The following VAC14 variants were observed in gnomAD, a reference collection of about 807,000 sequenced individuals.
VAC14 encodes protein VAC14 homolog.
In VAC14, 47 loss-of-function variants were observed where a neutral mutation model predicts 85.3. The ratio of observed to expected loss-of-function variants is 0.55; its 90% CI spans 0.44 to 0.70. The LOEUF (loss-of-function observed/expected upper bound fraction) is 0.70. Ranked by LOEUF, VAC14 falls within the 30% of genes least tolerant of loss-of-function variation. The probability of loss-of-function intolerance (pLI) is 0.00; values close to 1 mark genes in which losing one functional copy is unlikely to be tolerated. For synonymous variants in VAC14, 447 were observed against 430.5 expected (o/e 1.04, Z -0.47); for missense variants, 861 against 1,004.3 (o/e 0.86, Z 1.93).
intron 12 of VAC14, among the ~76,000 whole-genome samples, chr16:70,757,441 C>G (rs2031964148): frequency 6.6e-6 from 1 of 152,194 alleles, no homozygotes; most frequent in Non-Finnish European, 1.5e-5. Context: ...TGCTCCTGCT[C>G]TGGGCAGCCT....
At chr16:70,773,509 G>A (rs2143180145) in intron 9 of VAC14, among the ~76,000 whole-genome samples, 1 of 152,210 alleles carries the variant, frequency 6.6e-6, no homozygotes, top group South Asian at 2.1e-4. Flanking sequence ...ATCCTGTTCC[G>A]CCTTCAGTCC....
Position 70,692,892 on chromosome 16 carries a change from C to A in VAC14, c.2115G>T (p.Pro705=), listed in dbSNP as rs2278983. 0.43 allele frequency: 693,158 copies of A among 1,607,728 alleles called. 158,565 individuals carry two copies. The highest frequency in any genetic ancestry group is 0.47 in the Non-Finnish European group (558,892 of 1,178,146). Residue 705 remains proline, a synonymous_variant, in exon 18 of 19, where the codon CCG becomes CCT. Coordinates refer to ENST00000261776, the MANE Select transcript of VAC14 (RefSeq NM_018052.5). ...AGAGCAGCTGGAAGGCGCTGCTCTG[C>A]GGCAGGAGCATGAGCAGGCCGTAGA... The part of the protein sequence containing the change: ...KALYGLLMLL[P]QSSAFQLLSH...
chr16:70,770,559 A>C (rs906955478), intron 10 of VAC14: 1 of 152,218 alleles, frequency 6.6e-6, no homozygotes, highest in Non-Finnish European at 1.5e-5. Context: ...ATTAGCTGTT[A>C]TTCCCAGCCA....
At chr16:70,797,903 G>C (rs1354679016) in intron 1 of VAC14, among the ~76,000 whole-genome samples, 1 of 152,128 alleles carries the variant, frequency 6.6e-6, no homozygotes, top group Non-Finnish European at 1.5e-5. Context: ...GAAGCATCCT[G>C]AGGCCCCGCC....
At chr16:70,752,787 C>A (rs1209913405) in intron 12 of VAC14, among the ~76,000 whole-genome samples, 2 of 152,192 alleles carry the variant, frequency 1.3e-5, no homozygotes, top group Non-Finnish European at 2.9e-5. Flanking sequence ...ATGTGGGGCA[C>A]GTCCAAGGAG....
chr16:70,693,144 C>T (rs1456073592), intron 17 of VAC14, among the ~76,000 whole-genome samples, 173 bp from the exon 18 acceptor site: 1 of 152,224 alleles, frequency 6.6e-6, no homozygotes, highest in Non-Finnish European at 1.5e-5. Flanking sequence ...TCCAGCGAGT[C>T]AGGGGCTCCT....
At chr16:70,799,891 T>C (rs1363323552) in intron 1 of VAC14, among the ~76,000 whole-genome samples, 1 of 152,242 alleles carries the variant, frequency 6.6e-6, no homozygotes, top group Non-Finnish European at 1.5e-5. Flanking sequence ...ATACGGGTAG[T>C]GTGACTGAGA....
intron 14 of VAC14, among the ~76,000 whole-genome samples, chr16:70,719,239 G>C (rs537802671): frequency 1.3e-5 from 2 of 152,292 alleles, no homozygotes; most frequent in Admixed American, 1.3e-4. Context: ...ATCATGCTCA[G>C]CATCCGCTTA....
chr16:70,797,921 G>A (rs1053998732), intron 1 of VAC14, among the ~76,000 whole-genome samples: 3 of 152,188 alleles, frequency 2.0e-5, no homozygotes, highest in Non-Finnish European at 4.4e-5. Flanking sequence ...GCCAGAAGCA[G>A]AAGCCGCTAT....
intron 14 of VAC14, among the ~76,000 whole-genome samples, chr16:70,730,869 TCTC>T (rs2054571067): frequency 6.6e-6 from 1 of 152,104 alleles, no homozygotes; most frequent in East Asian, 1.9e-4. Flanking sequence ...ACTCTAGAAA[TCTC>T]CTCCACCTGG....
chr16:70,691,463 C>G, intron 18 of VAC14: 13 of 985,412 alleles, frequency 1.3e-5, no homozygotes, highest in Non-Finnish European at 1.6e-5. Flanking sequence ...GGCTTCTAGG[C>G]CTCTCTCGGA....
chr16:70,788,720 T>C (rs2143299483), intron 1 of VAC14, among the ~76,000 whole-genome samples: 2 of 152,358 alleles, frequency 1.3e-5, no homozygotes, highest in Non-Finnish European at 2.9e-5. Context: ...GGTAGAATTC[T>C]CGCCTGCCAT....
chr16:70,708,207 T>C (rs766945392), intron 14 of VAC14, among the ~76,000 whole-genome samples: 1 of 152,214 alleles, frequency 6.6e-6, no homozygotes, highest in Non-Finnish European at 1.5e-5. Flanking sequence ...CTGCCTCACC[T>C]GCTGCTAGTT....
At chr16:70,752,753 C>T (rs1276231540) in intron 12 of VAC14, among the ~76,000 whole-genome samples, 1 of 152,222 alleles carries the variant, frequency 6.6e-6, no homozygotes, top group Non-Finnish European at 1.5e-5. Flanking sequence ...GTGGGAGGGC[C>T]CAATGCAGCA....
intron 13 of VAC14, among the ~76,000 whole-genome samples, chr16:70,738,335 G>C (rs2029908486): frequency 6.6e-6 from 1 of 152,234 alleles, no homozygotes; most frequent in Admixed American, 6.5e-5. Flanking sequence ...TTTCTCATCT[G>C]TGGGCCGGCC....
chr16:70,713,094 C>G (rs1204005093), intron 14 of VAC14, among the ~76,000 whole-genome samples: 1 of 152,154 alleles, frequency 6.6e-6, no homozygotes, highest in African/African-American at 2.4e-5. Context: ...TAAAACCAGG[C>G]AAACCTCCTA....
Position 70,695,642 on chromosome 16 carries a change from A to G in VAC14, c.1956-19T>C. On this transcript the variant is annotated intron_variant, in intron 16 of 18. Transcript: ENST00000261776. ...GTCCCCACTGGGTGTGCAGTCAAGG[A>G]AAGTCTGTCTGCTGGGCCAGCACAG... 1 of 1,610,408 alleles carries G rather than the reference A, an allele frequency of 6.2e-7. No homozygotes were observed. The highest frequency in any genetic ancestry group is 1.1e-5 in the South Asian group (1 of 91,004).
At chr16:70,785,964 G>A (rs1312608755) in intron 2 of VAC14, 95 bp from the exon 3 acceptor site, 2 of 1,431,074 alleles carry the variant, frequency 1.4e-6, no homozygotes, top group African/African-American at 1.4e-5. Context: ...TCCCTTGAAG[G>A]TGCTCAGGCC....
At chr16:70,700,772 G>A (rs1196422639) in intron 14 of VAC14, among the ~76,000 whole-genome samples, 1 of 152,192 alleles carries the variant, frequency 6.6e-6, no homozygotes, top group Admixed American at 6.5e-5. Flanking sequence ...GTTCCAGAAG[G>A]GCAGGCACAG....
Sources: allele counts gnomAD v4.1 joint callset (sites outside exome capture counted in the v4.1 genomes callset), GRCh38; gene constraint gnomAD v4.1.1; transcripts MANE v1.5; gene names NCBI Gene and HGNC (gene_info 2026-07-23, HGNC 2026-07-21).